MROH2B: variants seen among roughly 807,000 people sequenced by gnomAD.
The protein encoded by MROH2B is maestro heat like repeat family member 2B, also known as maestro heat-like repeat-containing protein family member 2B.
MROH2B carries 177 observed loss-of-function variants against 208.6 expected under a neutral mutation model. The observed-to-expected ratio is 0.85, with a 90% CI of 0.75 to 0.96. MROH2B has a LOEUF of 0.96. MROH2B is among the 40% of genes least tolerant of loss of function. The pLI is 0.00. For synonymous variants in MROH2B, 728 were observed against 659.0 expected (o/e 1.10, Z -1.60); for missense variants, 2,002 against 1,878.7 (o/e 1.07, Z -1.21).
intron 11 of MROH2B, among the ~76,000 whole-genome samples, chr5:41,052,886 G>C (rs1176534451): frequency 6.6e-6 from 1 of 152,146 alleles, no homozygotes; most frequent in Non-Finnish European, 1.5e-5. Context: ...CTTTGAGCAT[G>C]ACCTTTGAGT....
At chr5:41,013,095 A>G (rs1741826275) in intron 29 of MROH2B, among the ~76,000 whole-genome samples, 1 of 152,250 alleles carries the variant, frequency 6.6e-6, no homozygotes, top group Non-Finnish European at 1.5e-5. Context: ...ACATTCATAT[A>G]TCATAGAAAC....
In MROH2B at chr5:41,004,497, G is replaced by C. The variant is rs1413584875; in HGVS notation, c.4043C>G (p.Ser1348Cys). The change falls in exon 37 of 42, where the codon TCT becomes TGT. Residue 1348 changes from serine to cysteine, a missense_variant. Transcript: ENST00000399564. The stretch of plus-strand genomic sequence containing the variant: ...TAGGTGATACAGGCCTCTGATGATA[G>C]ATTCTAGCATTAACTGCTTATGTTT... ...VKKHKQLMLE[S>C]IIRGLYHLAR... is the part of the protein sequence containing the mutation. 5.6e-6 allele frequency: 9 copies of C among 1,612,296 alleles called. No individual in the cohort carries two copies. The highest frequency in any genetic ancestry group is 6.8e-6 in the Non-Finnish European group (8 of 1,179,522).
At chr5:41,002,935 T>G (rs1426797327) in intron 37 of MROH2B, among the ~76,000 whole-genome samples, 2 of 151,864 alleles carry the variant, frequency 1.3e-5, no homozygotes, top group African/African-American at 4.8e-5. Flanking sequence ...AGTAAGCATT[T>G]TTGAGGACAA....
chr5:41,007,532 TCCTCACAATGCTTTCCCACC>T, intron 33 of MROH2B, 78 bp from the exon 34 acceptor site: 3 of 1,288,692 alleles, frequency 2.3e-6, no homozygotes, highest in Non-Finnish European at 3.0e-6. Flanking sequence ...GCCTTTCCAC[TCCTCACAATGCTTTCCCACC>T]CCTGGACTAG....
At chr5:41,029,774 A>T (rs772207697) in intron 24 of MROH2B, among the ~76,000 whole-genome samples, 2 of 152,098 alleles carry the variant, frequency 1.3e-5, no homozygotes, top group Non-Finnish European at 2.9e-5. Context: ...CTACTTAAAA[A>T]TTATAAATTT....
intron 19 of MROH2B, 70 bp from the exon 20 acceptor site, chr5:41,039,625 C>A: frequency 7.6e-6 from 8 of 1,046,874 alleles, no homozygotes; most frequent in Non-Finnish European, 1.1e-5. Flanking sequence ...TACTGAGCAC[C>A]TATTATGTGC....
At chr5:41,031,827 G>A (rs1742580940) in intron 24 of MROH2B, among the ~76,000 whole-genome samples, 1 of 152,032 alleles carries the variant, frequency 6.6e-6, no homozygotes, top group Non-Finnish European at 1.5e-5. Context: ...TATAAAATTA[G>A]TGGTATTTGG....
chr5:41,011,307 A>G (rs1312036926), intron 30 of MROH2B, among the ~76,000 whole-genome samples: 1 of 152,184 alleles, frequency 6.6e-6, no homozygotes, highest in East Asian at 1.9e-4. Context: ...CCCATTTATG[A>G]TTACCACAGA....
chr5:41,036,207 G>A lies in MROH2B; in HGVS notation c.2215-2343C>T, dbSNP rs148233381. On this transcript the variant is annotated intron_variant, in intron 21 of 41. Coordinates refer to ENST00000399564, the MANE Select transcript of MROH2B (RefSeq NM_173489.5). ...CTGTGTCCCACCCAAATCTCAACTT[G>A]AATTCCCATATGTTGTGGAAGGGAC... Among the ~76,000 whole-genome samples, 423 of 152,022 alleles carry A rather than the reference G, an allele frequency of 2.8e-3. 6 individuals carry two copies. Among genetic ancestry groups the A allele is most frequent in the African/African-American group, 9.9e-3 (410 of 41,468 alleles).
chr5:41,002,356 G>A (rs562591361), intron 37 of MROH2B, among the ~76,000 whole-genome samples: 2 of 152,276 alleles, frequency 1.3e-5, no homozygotes, highest in East Asian at 1.9e-4. Flanking sequence ...AGGGTAAAGC[G>A]ATTGCTCAGG....
chr5:41,063,923 C>T (rs1212933209), intron 5 of MROH2B, among the ~76,000 whole-genome samples: 1 of 152,212 alleles, frequency 6.6e-6, no homozygotes, highest in Non-Finnish European at 1.5e-5. Flanking sequence ...GAGTTTGTGA[C>T]CACAGTTTGC....
chr5:41,005,433 C>T (rs1741554247), intron 35 of MROH2B, 98 bp downstream of exon 35: 3 of 165,084 alleles, frequency 1.8e-5, no homozygotes, highest in Non-Finnish European at 3.8e-5. Flanking sequence ...CCCTTGAAGT[C>T]TCTCTTCCCT....
chr5:41,027,140 T>C (rs1321060528), intron 24 of MROH2B, among the ~76,000 whole-genome samples: 2 of 152,216 alleles, frequency 1.3e-5, no homozygotes, highest in Non-Finnish European at 2.9e-5. Context: ...AAGGACTTCA[T>C]GTCTAAAACA....
At chr5:41,012,539 G>A (rs1431004945) in intron 30 of MROH2B, 44 bp downstream of exon 30, 6 of 1,580,298 alleles carry the variant, frequency 3.8e-6, no homozygotes, top group Non-Finnish European at 4.3e-6. Context: ...CATTTCAGAA[G>A]TGATAGAAAT....
At chr5:41,066,878 T>A (rs1211679726) in intron 3 of MROH2B, among the ~76,000 whole-genome samples, 1 of 152,192 alleles carries the variant, frequency 6.6e-6, no homozygotes, top group African/African-American at 2.4e-5. Flanking sequence ...AACTTCCTCA[T>A]CTAAAAGGAG....
intron 13 of MROH2B, 143 bp downstream of exon 13, chr5:41,050,834 C>T (rs764932164): frequency 1.9e-4 from 112 of 593,748 alleles, no homozygotes; most frequent in Non-Finnish European, 3.1e-4. Flanking sequence ...GTGTTGGACA[C>T]AGCGTTGCAA....
At position 41,009,284 on chromosome 5, in the gene MROH2B, A is replaced by G. The variant is rs776186808; in HGVS notation, c.3416T>C (p.Ile1139Thr). The G allele has an allele frequency of 2.5e-6, 4 of 1,613,840 alleles. No homozygotes were observed. Among genetic ancestry groups the G allele is most frequent in the African/African-American group, 1.3e-5 (1 of 75,046 alleles). ...GGTTCAGGCTGTCCAACTCACTGAA[A>G]TTGCCTCAACCCTGGCGATGTCATC... ...LEDDIARVEA[I>T]SVACAMYEVI... The change falls in exon 32 of 42, where the codon ATT becomes ACT. Residue 1139 changes from isoleucine (I) to threonine (T), a missense_variant. Coordinates refer to ENST00000399564, the MANE Select transcript of MROH2B (RefSeq NM_173489.5).
intron 21 of MROH2B, 150 bp downstream of exon 21, chr5:41,038,586 C>T (rs1742838478): frequency 1.5e-6 from 1 of 651,158 alleles, no homozygotes; most frequent in Admixed American, 3.5e-5. Flanking sequence ...CATAGTAATC[C>T]ACGAGACATT....
At chr5:41,048,720 T>G (rs1743197764) in intron 15 of MROH2B, among the ~76,000 whole-genome samples, 4 of 152,138 alleles carry the variant, frequency 2.6e-5, no homozygotes, top group African/African-American at 9.7e-5. Flanking sequence ...TGGAAAGAAT[T>G]AACACTTAGA....
Sources: gnomAD v4.1 joint callset for allele counts (sites outside exome capture counted in the v4.1 genomes callset) on GRCh38, gnomAD v4.1.1 for gene constraint, MANE v1.5 for transcripts, NCBI Gene and HGNC (gene_info 2026-07-23, HGNC 2026-07-21) for gene names.